POLQ: variants seen among roughly 807,000 people sequenced by gnomAD.
The protein encoded by POLQ is epididymis secretory sperm binding protein.
In POLQ, 233 loss-of-function variants were observed where a neutral mutation model predicts 259.2. The observed-to-expected ratio is 0.90, with a 90% CI of 0.81 to 1.00. POLQ has a LOEUF of 1.00. Among genes scored for constraint, POLQ ranks in the 50% least tolerant of loss-of-function variants. The pLI, the probability that POLQ is intolerant of heterozygous loss-of-function variation, is 0.00. For missense variants in POLQ, 2,871 were observed against 3,051.6 expected, an observed-to-expected ratio of 0.94 and a Z score of 1.39; for synonymous variants, 1,025 against 1,048.8, an observed-to-expected ratio of 0.98 and a Z score of 0.44.
intron 26 of POLQ, among the ~76,000 whole-genome samples, chr3:121,442,285 A>G (rs1007376305): frequency 6.6e-6 from 1 of 152,180 alleles, no homozygotes; most frequent in African/African-American, 2.4e-5. Context: ...AGCATTTATC[A>G]TTTGTGTTGC....
At chr3:121,503,701 G>C (rs922819814) in intron 12 of POLQ, among the ~76,000 whole-genome samples, 4 of 152,176 alleles carry the variant, frequency 2.6e-5, no homozygotes, top group Non-Finnish European at 4.4e-5. Flanking sequence ...GATATAAAAT[G>C]ATAGTGTCTG....
chr3:121,446,766 T>A (rs1259278450), intron 26 of POLQ, among the ~76,000 whole-genome samples: 1 of 152,236 alleles, frequency 6.6e-6, no homozygotes, highest in Non-Finnish European at 1.5e-5. Context: ...GTATAGCTAC[T>A]CTTGATCTTT....
At chr3:121,535,074 T>C (rs1467347318) in intron 5 of POLQ, among the ~76,000 whole-genome samples, 1 of 152,202 alleles carries the variant, frequency 6.6e-6, no homozygotes, top group African/African-American at 2.4e-5. Context: ...CTGATTATAT[T>C]AATCAGATTT....
Position 121,432,367 on chromosome 3 carries a change from CACAG to C in POLQ, c.7706_7709del (p.Ser2569Ter). On this transcript the variant is annotated frameshift_variant, in exon 30 of 30. Transcript: ENST00000264233. LOFTEE classifies it high-confidence loss of function. The stretch of plus-strand genomic sequence containing the variant: ...CTATTTTCACTTTCACTTTCAATTT[CACAG>C]ACAGTTTTACAGCACTTTCCATTTC... 1 of 1,610,428 alleles carries C rather than the reference CACAG, an allele frequency of 6.2e-7. No homozygotes were observed. Among genetic ancestry groups the C allele is most frequent in the Non-Finnish European group, 8.5e-7 (1 of 1,178,210 alleles).
At chr3:121,447,479 TG>T (rs942401561) in intron 26 of POLQ, among the ~76,000 whole-genome samples, 1 of 152,150 alleles carries the variant, frequency 6.6e-6, no homozygotes, top group African/African-American at 2.4e-5. Context: ...TTAACTTTTT[TG>T]TTGTTTATAT....
intron 26 of POLQ, among the ~76,000 whole-genome samples, chr3:121,449,049 C>T (rs777486777): frequency 6.6e-6 from 1 of 152,194 alleles, no homozygotes; most frequent in Non-Finnish European, 1.5e-5. Flanking sequence ...CACAAGTCAA[C>T]TCCTGATTTT....
chr3:121,498,914 T>C (rs2048145225), intron 12 of POLQ, among the ~76,000 whole-genome samples: 1 of 151,552 alleles, frequency 6.6e-6, no homozygotes, highest in Non-Finnish European at 1.5e-5. Context: ...AAAAATGAAA[T>C]AAAATAAAAT....
chr3:121,463,636 C>T (rs755594136), intron 24 of POLQ, among the ~76,000 whole-genome samples: 3 of 152,122 alleles, frequency 2.0e-5, no homozygotes, highest in Non-Finnish European at 2.9e-5. Context: ...CCATTCTTAG[C>T]TTACAAAATC....
At chr3:121,482,241 G>A (rs1350764297) in intron 18 of POLQ, among the ~76,000 whole-genome samples, 2 of 152,262 alleles carry the variant, frequency 1.3e-5, no homozygotes, top group Non-Finnish European at 2.9e-5. Flanking sequence ...GTGAGGCGCC[G>A]GGCGCAGTGG....
At position 121,460,069 on chromosome 3, in the gene POLQ, A is replaced by T; in HGVS notation, c.7133T>A (p.Leu2378Gln). Residue 2378 changes from leucine to glutamine, a missense_variant, in exon 25 of 30, where the codon CTG becomes CAG. By Grantham distance (113) the Leu-to-Gln change is moderately radical. Transcript: ENST00000264233. ...AATCACCTGTTTTGCCTGCTGCCTCAGATCATCCCCAACAGACTCTGGCTC... is the reference window on the plus strand; with the variant it reads ...AATCACCTGTTTTGCCTGCTGCCTCTGATCATCCCCAACAGACTCTGGCTC... ...MIEPESVGDDLRQQAKQICYG... is the reference protein window; with the variant it reads ...MIEPESVGDDQRQQAKQICYG... 6.2e-7 allele frequency: 1 copy of T among 1,613,878 alleles called. No individual in the cohort carries two copies. The highest frequency in any genetic ancestry group is 8.5e-7 in the Non-Finnish European group (1 of 1,179,772).
rs1413134783 is a variant in POLQ, at chr3:121,525,265, T to C, written c.1109-3116A>G. ...CTGAGGCAGGAGAATGGCGTGAACCTGGGAGGCGGAGCTTGCAGTGGGCCA... is the reference window on the plus strand; with the variant it reads ...CTGAGGCAGGAGAATGGCGTGAACCCGGGAGGCGGAGCTTGCAGTGGGCCA... On this transcript the variant is annotated intron_variant, in intron 7 of 29. Transcript: ENST00000264233. Among the ~76,000 whole-genome samples the C allele has an allele frequency of 4.0e-5, 6 of 150,542 alleles. No individual in the cohort carries two copies. The South Asian group carries it at 1.0e-3, about 26-fold the overall frequency.
Position 121,509,671 on chromosome 3 carries a change from C to G in POLQ, c.1849G>C (p.Ala617Pro). 6.2e-7 allele frequency: 1 copy of G among 1,613,714 alleles called. No homozygotes were observed. Among genetic ancestry groups the G allele is most frequent in the South Asian group, 1.1e-5 (1 of 91,060 alleles). Residue 617 changes from alanine (A) to proline (P), a missense_variant, in exon 12 of 30, where the codon GCC becomes CCC. Physicochemically the swap from Ala to Pro is conservative, Grantham distance 27. Around this residue, in one of 3 missense-constraint regions of POLQ, gnomAD observed 783 missense variants for 906.2 expected, o/e 0.86. Coordinates refer to ENST00000264233, the MANE Select transcript of POLQ (RefSeq NM_199420.4). ...KVYHPTHLGS[A>P]TLSSSLSPAD... ...GGAGAAAGTGAAGAAGAAAGAGTGG[C>G]CGAACCAAGATGTGTTGGATGATAC...
Position 121,432,991 on chromosome 3 carries a change from A to T in POLQ, c.7586T>A (p.Ile2529Asn), listed in dbSNP as rs781647130. ...KRKLQGMFCP[I>N]RGGFFILQLH... Reference sequence around the variant, plus strand: ...TTGAAGGATGAAGAAGCCTCCTCTGATTGGGCAGAACATCCCTTGCAGTTT... The same window carrying T: ...TTGAAGGATGAAGAAGCCTCCTCTGTTTGGGCAGAACATCCCTTGCAGTTT... The change falls in exon 29 of 30, where the codon ATC becomes AAC. Residue 2529 changes from isoleucine to asparagine, a missense_variant. Physicochemically the swap from Ile to Asn is moderately radical, Grantham distance 149. Coordinates refer to ENST00000264233, the MANE Select transcript of POLQ (RefSeq NM_199420.4). 1.2e-6 allele frequency: 2 copies of T among 1,612,642 alleles called. No homozygotes were observed. The highest frequency in any genetic ancestry group is 3.3e-5 in the Admixed American group (2 of 60,006).
At chr3:121,487,084 A>G (rs2048018032) in intron 16 of POLQ, among the ~76,000 whole-genome samples, 1 of 152,146 alleles carries the variant, frequency 6.6e-6, no homozygotes, top group South Asian at 2.1e-4. Context: ...TTATTCTAAT[A>G]TATATTACAT....
chr3:121,512,397 A>C (rs113892048), intron 9 of POLQ, among the ~76,000 whole-genome samples: 6 of 152,204 alleles, frequency 3.9e-5, no homozygotes, highest in Non-Finnish European at 7.3e-5. Flanking sequence ...GAGACAGGTC[A>C]GCACTGAGAT....
intron 15 of POLQ, among the ~76,000 whole-genome samples, chr3:121,492,132 C>T (rs547626804): frequency 6.6e-6 from 1 of 151,990 alleles, no homozygotes; most frequent in African/African-American, 2.4e-5. Flanking sequence ...TCCCTTCCCA[C>T]ACAGGTTAAG....
Position 121,489,240 on chromosome 3 carries a change from A to G in POLQ, c.3691T>C (p.Ser1231Pro). Reference sequence around the variant, plus strand: ...CTTTCACAATTGATAGTAACATTTGAGTCTCTATTTATGTAACTACTGACT... The same window carrying G: ...CTTTCACAATTGATAGTAACATTTGGGTCTCTATTTATGTAACTACTGACT... Reference protein sequence around the residue: ...EAVSSYINRDSNVTINCERIK... With the variant: ...EAVSSYINRDPNVTINCERIK... The change falls in exon 16 of 30, where the codon TCA (serine) becomes CCA (proline). Residue 1231 changes from serine to proline, a missense_variant. By Grantham distance (74) the Ser-to-Pro change is moderately conservative. Transcript: ENST00000264233. 2 of 1,611,524 alleles carry G rather than the reference A, an allele frequency of 1.2e-6. No homozygotes were observed. The highest frequency in any genetic ancestry group is 1.7e-6 in the Non-Finnish European group (2 of 1,178,546).
At chr3:121,466,345 G>A (rs549044309) in intron 24 of POLQ, among the ~76,000 whole-genome samples, 5 of 139,540 alleles carry the variant, frequency 3.6e-5, no homozygotes, top group South Asian at 2.3e-4. Flanking sequence ...CAGCCTGGGC[G>A]AGAGTGAGAC....
At chr3:121,454,654 A>C (rs2047715421) in intron 25 of POLQ, among the ~76,000 whole-genome samples, 1 of 152,290 alleles carries the variant, frequency 6.6e-6, no homozygotes, top group South Asian at 2.1e-4. Flanking sequence ...ACATAATGGT[A>C]AAGGGATCAA....
Sources: allele counts gnomAD v4.1 joint callset (sites outside exome capture counted in the v4.1 genomes callset), GRCh38; gene constraint gnomAD v4.1.1; regional missense constraint gnomAD v4.1.1; transcripts MANE v1.5; gene names NCBI Gene and HGNC (gene_info 2026-07-23, HGNC 2026-07-21).